Variants in ANKRD30BL observed in about 807,000 individuals in gnomAD.
The protein encoded by ANKRD30BL is putative ankyrin repeat domain-containing protein 30B-like.
ANKRD30BL carries 20 observed loss-of-function variants against 18.4 expected under a neutral mutation model. The observed-to-expected ratio is 1.09, with a 90% CI of 0.77 to 1.58. The LOEUF is 1.58. ANKRD30BL is among the 40% of genes most tolerant of loss of function. ANKRD30BL has a pLI of 0.00. For missense variants in ANKRD30BL, 224 were observed against 268.6 expected (o/e 0.83, Z 1.16); for synonymous variants, 72 against 100.9 (o/e 0.71, Z 1.72).
chr2:132,201,733 G>C lies in ANKRD30BL; in HGVS notation n.442-44587C>G, dbSNP rs541185062. 7.4e-3 allele frequency among the ~76,000 whole-genome samples: 1,130 copies of C among 152,300 alleles called. 8 individuals carry two copies. The highest frequency in any genetic ancestry group is 0.024 in the African/African-American group (1,013 of 41,554). On this transcript the variant is annotated intron_variant and non_coding_transcript_variant, in intron 1 of 4. Transcript: ENST00000470729. Reference sequence around the variant, plus strand: ...TTCAACCACTGTGGAAGTCAGTGTGGTGATTCCTCAGAGATCTAGAACTAG... The same window carrying C: ...TTCAACCACTGTGGAAGTCAGTGTGCTGATTCCTCAGAGATCTAGAACTAG...
chr2:132,200,554 A>G (rs571302128), intron 1 of ANKRD30BL, among the ~76,000 whole-genome samples: 1 of 152,354 alleles, frequency 6.6e-6, no homozygotes, highest in African/African-American at 2.4e-5. Context: ...ATTGCTTCAA[A>G]GAGAATAAAA....
intron 1 of ANKRD30BL, among the ~76,000 whole-genome samples, chr2:132,204,055 G>T (rs1468442917): frequency 6.6e-6 from 1 of 152,194 alleles, no homozygotes; most frequent in Non-Finnish European, 1.5e-5. Flanking sequence ...AAGTTATCTG[G>T]TGCTCCAGGA....
chr2:132,219,557 C>T (rs999875878), intron 1 of ANKRD30BL, among the ~76,000 whole-genome samples: 2 of 151,816 alleles, frequency 1.3e-5, no homozygotes, highest in Non-Finnish European at 2.9e-5. Flanking sequence ...CAGAGTTGAA[C>T]ATACCTTATC....
intron 1 of ANKRD30BL, among the ~76,000 whole-genome samples, chr2:132,204,348 A>T (rs562414689): frequency 5.9e-5 from 9 of 152,042 alleles, no homozygotes; most frequent in Non-Finnish European, 2.9e-5. Flanking sequence ...ATGATGGGAC[A>T]TAAGTAAACA....
intron 1 of ANKRD30BL, among the ~76,000 whole-genome samples, chr2:132,229,753 T>C (rs1424042008): frequency 6.6e-6 from 1 of 151,994 alleles, no homozygotes; most frequent in Admixed American, 6.6e-5. Context: ...AAGTGGACAT[T>C]TGGAGAAATT....
chr2:132,238,276 G>A (rs1680215488), intron 1 of ANKRD30BL, among the ~76,000 whole-genome samples: 1 of 151,780 alleles, frequency 6.6e-6, no homozygotes, highest in African/African-American at 2.4e-5. Context: ...GACAGCATTT[G>A]GATTTCTTTG....
chr2:132,158,500 A>G (rs1687971459), intron 1 of ANKRD30BL, among the ~76,000 whole-genome samples: 1 of 151,890 alleles, frequency 6.6e-6, no homozygotes. Context: ...ATGAGAGGAA[A>G]ATCTTCAATT....
chr2:132,225,850 C>T (rs1679830197), intron 1 of ANKRD30BL, among the ~76,000 whole-genome samples: 2 of 151,898 alleles, frequency 1.3e-5, no homozygotes, highest in South Asian at 4.2e-4. Flanking sequence ...AAAAACTAGA[C>T]AGTAGCATTC....
chr2:132,193,836 T>G (rs1176759721), intron 1 of ANKRD30BL, among the ~76,000 whole-genome samples: 3 of 151,536 alleles, frequency 2.0e-5, no homozygotes, highest in African/African-American at 7.3e-5. Flanking sequence ...TTTCCTGTGC[T>G]TCTCATCACT....
chr2:132,177,601 C>T (rs1162618438), intron 1 of ANKRD30BL, among the ~76,000 whole-genome samples: 4 of 152,170 alleles, frequency 2.6e-5, no homozygotes, highest in African/African-American at 4.8e-5. Flanking sequence ...AAGAAACACT[C>T]GCACACTCAG....
chr2:132,254,827 C>G (rs915263900), intron 1 of ANKRD30BL, among the ~76,000 whole-genome samples: 3 of 151,818 alleles, frequency 2.0e-5, no homozygotes, highest in Admixed American at 2.0e-4. Context: ...GAGTCTCGTT[C>G]GTTATTGGAA....
At position 132,157,332 on chromosome 2, in the gene ANKRD30BL, C is replaced by T. The variant is rs192889347; in HGVS notation, c.310G>A (p.Glu104Lys). ...RKCQLDVLDG[E>K]NRTILMKALQ... is the part of the protein sequence containing the mutation. ...ACCTTCATCAGAATGGTCCTGTTTT[C>T]ACCATCAAGGACGTCAAGCTGACAC... The change falls in exon 2 of 6, where the codon GAA becomes AAA. Residue 104 changes from glutamate (E) to lysine (K), a missense_variant. By Grantham distance (56) the Glu-to-Lys change is moderately conservative. This residue lies in a region of ANKRD30BL where 131 missense variants were observed against 128.8 expected (regional missense o/e 1.02). Coordinates refer to ENST00000409867, the MANE Select transcript of ANKRD30BL (RefSeq NM_001358416.1). The T allele has an allele frequency of 3.1e-4, 234 of 765,538 alleles. 2 individuals are homozygous for T. In the East Asian group the frequency reaches 5.9e-3, roughly 19 times the overall value. The allele number at this position is 765,538 out of a possible 1,614,324, so 47.4% of individuals were successfully genotyped here.
chr2:132,254,175 C>T (rs371218159), intron 1 of ANKRD30BL, among the ~76,000 whole-genome samples: 12 of 152,140 alleles, frequency 7.9e-5, no homozygotes, highest in Non-Finnish European at 1.5e-4. Context: ...CATCCCCACA[C>T]GCATGTCTCT....
chr2:132,222,711 G>A (rs991621093), intron 1 of ANKRD30BL, among the ~76,000 whole-genome samples: 1 of 151,298 alleles, frequency 6.6e-6, no homozygotes, highest in Non-Finnish European at 1.5e-5. Flanking sequence ...AAGGCCGCAG[G>A]GTCCTCTGCC....
chr2:132,215,866 T>C, intron 1 of ANKRD30BL, among the ~76,000 whole-genome samples: 1 of 152,128 alleles, frequency 6.6e-6, no homozygotes, highest in East Asian at 1.9e-4. Flanking sequence ...ATGAAATATC[T>C]TCACATAATA....
intron 5 of ANKRD30BL, among the ~76,000 whole-genome samples, chr2:132,150,481 A>G (rs1467244713): frequency 1.3e-5 from 2 of 151,164 alleles, no homozygotes; most frequent in Non-Finnish European, 3.0e-5. Flanking sequence ...ATTTATAAAT[A>G]TATTAATTCA....
chr2:132,152,994 C>T lies in ANKRD30BL; in HGVS notation c.614+1668G>A, dbSNP rs569823822. On this transcript the variant is annotated intron_variant, in intron 4 of 5. Coordinates refer to ENST00000409867, the MANE Select transcript of ANKRD30BL (RefSeq NM_001358416.1). ...CGTGAACTTTAAAAACATGCAGTAA[C>T]TTCGAAGTCTACACCATGAAGACTG... 3.3e-4 allele frequency among the ~76,000 whole-genome samples: 51 copies of T among 152,272 alleles called. 1 individual carries two copies. The South Asian group carries it at 0.011, about 32-fold the overall frequency.
Position 132,147,653 on chromosome 2 carries a change from G to A in ANKRD30BL, c.*478C>T, listed in dbSNP as rs1687637851. On this transcript the variant is annotated 3_prime_UTR_variant, in exon 6 of 6. Transcript: ENST00000409867. Reference sequence around the variant, plus strand: ...GGTCTTGCAGATGGAGCAATGGCAAGATCACACCGGACAAGGGAGGGGAAA... The same window carrying A: ...GGTCTTGCAGATGGAGCAATGGCAAAATCACACCGGACAAGGGAGGGGAAA... 6.5e-6 allele frequency: 1 copy of A among 153,302 alleles called. No homozygotes were observed. Among genetic ancestry groups the A allele is most frequent in the African/African-American group, 2.4e-5 (1 of 41,410 alleles). The allele number at this position is 153,302 out of a possible 1,614,324, so 9.5% of individuals were successfully genotyped here.
chr2:132,203,646 A>G (rs1471561136), intron 1 of ANKRD30BL, among the ~76,000 whole-genome samples: 1 of 152,024 alleles, frequency 6.6e-6, no homozygotes, highest in Non-Finnish European at 1.5e-5. Context: ...ATTAAATACA[A>G]TGGATATTAG....
Sources: gnomAD v4.1 joint callset for allele counts (sites outside exome capture counted in the v4.1 genomes callset) on GRCh38, gnomAD v4.1.1 for gene constraint, gnomAD v4.1.1 regional missense constraint, MANE v1.5 for transcripts, NCBI Gene and HGNC (gene_info 2026-07-23, HGNC 2026-07-21) for gene names.